The following TEX11 variants were observed in gnomAD, a reference collection of about 807,000 sequenced individuals.
The protein encoded by TEX11 is testis expressed 11.
In TEX11, 7 loss-of-function variants were observed where a neutral mutation model predicts 84.4. That is an observed-to-expected ratio of 0.08 (90% CI 0.05 to 0.16). The LOEUF (loss-of-function observed/expected upper bound fraction) is 0.16. Among genes scored for constraint, TEX11 ranks in the 10% least tolerant of loss-of-function variants. The pLI is 1.00. For missense variants in TEX11, 551 were observed against 660.5 expected (o/e 0.83, Z 1.82); for synonymous variants, 264 against 222.8 (o/e 1.18, Z -1.64).
chrX:70,514,814 T>G, the TEX11 span, among the ~76,000 whole-genome samples: 1 of 110,835 alleles, frequency 9.0e-6, no homozygotes, highest in African/African-American at 3.3e-5. Flanking sequence ...ACACCTGTAA[T>G]CCCAGCACTT....
the TEX11 span, among the ~76,000 whole-genome samples, chrX:70,522,287 A>G: frequency 2.7e-5 from 3 of 111,916 alleles, no homozygotes; most frequent in Non-Finnish European, 5.6e-5. Flanking sequence ...AGAGTGAAAG[A>G]AGGAGGGAAT....
intron 8 of TEX11, among the ~76,000 whole-genome samples, chrX:70,807,044 T>C (rs1390616077): frequency 3.6e-5 from 4 of 112,609 alleles, no homozygotes; most frequent in African/African-American, 9.7e-5. Context: ...GAATTAGTTA[T>C]GTATGAAAAA....
rs779629000 is a variant in TEX11, at chrX:70,833,583, T to C, written c.536A>G (p.Gln179Arg). 6 of 1,195,109 alleles carry C rather than the reference T, an allele frequency of 5.0e-6. No homozygotes were observed. Among genetic ancestry groups the C allele is most frequent in the South Asian group, 1.8e-5 (1 of 54,616 alleles). ...LSYQAESAVA[Q>R]GDFQRASMCV... ...CATAGATGCTCTTTGAAAATCCCCT[T>C]GAGCAACTGCCTGAAAAAGATAAAG... is the stretch of plus-strand genomic sequence containing the variant. Residue 179 changes from glutamine (Q) to arginine (R), a missense_variant, in exon 8 of 30, where the codon CAA (glutamine) becomes CGA (arginine). By Grantham distance (43) the Gln-to-Arg change is conservative. Transcript: ENST00000374333.
At chrX:70,713,309 G>A (rs1406096606) in intron 13 of TEX11, among the ~76,000 whole-genome samples, 1 of 111,811 alleles carries the variant, frequency 8.9e-6, no homozygotes. Flanking sequence ...GCCTCATAAA[G>A]TGAGTTACGG....
intron 25 of TEX11, among the ~76,000 whole-genome samples, chrX:70,568,992 A>G (rs1299878265): frequency 6.3e-5 from 7 of 111,678 alleles, no homozygotes; most frequent in South Asian, 3.8e-4. Flanking sequence ...ATAATATCCT[A>G]CAGAGTGTTT....
chrX:70,675,833 T>C (rs1569395700), intron 15 of TEX11, among the ~76,000 whole-genome samples: 1 of 111,438 alleles, frequency 9.0e-6, no homozygotes. Flanking sequence ...TTTCACCATG[T>C]TGGCCAGGCT....
chrX:70,595,501 A>C (rs2088994097), intron 24 of TEX11, among the ~76,000 whole-genome samples: 1 of 111,453 alleles, frequency 9.0e-6, no homozygotes, highest in African/African-American at 3.3e-5. Flanking sequence ...ATAAAAAAAG[A>C]GGAGAGAACA....
At chrX:70,518,735 T>C in the TEX11 span, among the ~76,000 whole-genome samples, 2 of 111,409 alleles carry the variant, frequency 1.8e-5, no homozygotes, top group Non-Finnish European at 3.8e-5. Context: ...AACTCTCCCA[T>C]TATTATTGTG....
At chrX:70,802,546 G>C (rs1444766997) in intron 9 of TEX11, among the ~76,000 whole-genome samples, 1 of 111,018 alleles carries the variant, frequency 9.0e-6, no homozygotes, top group African/African-American at 3.3e-5. Flanking sequence ...GAGGGGAAAA[G>C]AAAGTAGTAG....
Position 70,860,876 on chromosome X carries a change from C to T in TEX11, c.305G>A (p.Ser102Asn). The change falls in exon 5 of 30, where the codon AGT becomes AAT. Residue 102 changes from serine (S) to asparagine (N), a missense_variant. Ser to Asn is a conservative substitution (Grantham distance 46). Transcript: ENST00000374333. ...ACTTACCATAATCAGTCGTTGAATA[C>T]TTTGTTCTGAGGCAAATGAGGCTTC... ...MCEASFASEQ[S>N]IQRLIMMNMR... 1 of 1,193,693 alleles carries T rather than the reference C, an allele frequency of 8.4e-7. No homozygotes were observed. Among genetic ancestry groups the T allele is most frequent in the Non-Finnish European group, 1.1e-6 (1 of 886,824 alleles).
rs770772296 is a variant in TEX11 at position 70,854,734 on chromosome X, C to CA, written c.325-1407dup. On this transcript the variant is annotated intron_variant, in intron 5 of 29. Transcript: ENST00000374333. ...CTGGGCAACAGGCAAGACCCTGTTT[C>CA]AAAAAAAAAAAAAAGCATATGTTAT... is the stretch of plus-strand genomic sequence containing the variant. 4.4e-3 allele frequency among the ~76,000 whole-genome samples: 351 copies of CA among 79,616 alleles called. 2 individuals carry two copies. Among genetic ancestry groups the CA allele is most frequent in the South Asian group, 0.017 (29 of 1,715 alleles). The allele number at this position is 79,616 out of a possible 115,157, so 69.1% of individuals were successfully genotyped here.
At chrX:70,861,353 G>A (rs767030090) in intron 4 of TEX11, among the ~76,000 whole-genome samples, 8 of 109,384 alleles carry the variant, frequency 7.3e-5, no homozygotes, top group Admixed American at 6.8e-4. Flanking sequence ...GAGCCACTGC[G>A]CCCGGCCTGT....
intron 17 of TEX11, among the ~76,000 whole-genome samples, chrX:70,640,085 G>C (rs201538925): frequency 0.085 from 9,247 of 108,196 alleles, 900 homozygotes; most frequent in African/African-American, 0.27. Flanking sequence ...GGAGCTGATG[G>C]AGCTGAAAAC....
At position 70,641,145 on chromosome X, in the gene TEX11, C is replaced by A. The variant is rs377578579; in HGVS notation, c.1483+10305G>T. ...ATTCTCTGATCAAACAGACTTTAAA[C>A]CAACAAAGATCAAAAGAGACAAAGA... is the stretch of plus-strand genomic sequence containing the variant. On this transcript the variant is annotated intron_variant, in intron 17 of 29. Transcript: ENST00000374333. Among the ~76,000 whole-genome samples the A allele has an allele frequency of 4.5e-5, 5 of 111,062 alleles. No individual in the cohort carries two copies. The East Asian group carries it at 1.1e-3, about 25-fold the overall frequency.
intron 24 of TEX11, among the ~76,000 whole-genome samples, chrX:70,605,037 C>A (rs762178306): frequency 2.1e-4 from 24 of 111,704 alleles, no homozygotes; most frequent in Non-Finnish European, 3.0e-4. Context: ...GCTATCAAAG[C>A]TATGGAAACA....
At chrX:70,827,325 A>G (rs1444402063) in intron 8 of TEX11, among the ~76,000 whole-genome samples, 1 of 111,629 alleles carries the variant, frequency 9.0e-6, no homozygotes, top group African/African-American at 3.3e-5. Flanking sequence ...TTCAGGGGAC[A>G]CCCAGCACAT....
intron 7 of TEX11, among the ~76,000 whole-genome samples, chrX:70,838,315 C>T (rs186207043): frequency 7.1e-4 from 79 of 111,028 alleles, no homozygotes; most frequent in African/African-American, 2.3e-3. Context: ...GCTAGCTACT[C>T]GGGAGGCTGA....
chrX:70,714,932 G>A (rs866822231), intron 13 of TEX11, among the ~76,000 whole-genome samples: 19 of 111,556 alleles, frequency 1.7e-4, no homozygotes, highest in South Asian at 3.8e-4. Context: ...GGCTTGTACC[G>A]GTTGTTCCTT....
intron 20 of TEX11, among the ~76,000 whole-genome samples, chrX:70,617,442 C>T (rs12847142): frequency 9.5e-6 from 1 of 105,497 alleles, no homozygotes; most frequent in Non-Finnish European, 1.9e-5. Flanking sequence ...TACATATATA[C>T]ACATATACAA....
Sources: allele counts gnomAD v4.1 joint callset (sites outside exome capture counted in the v4.1 genomes callset), GRCh38; gene constraint gnomAD v4.1.1; transcripts MANE v1.5; gene names NCBI Gene and HGNC (gene_info 2026-07-23, HGNC 2026-07-21).